The following SERPINB10 variants were observed in gnomAD, a reference collection of about 807,000 sequenced individuals.
SERPINB10 encodes serpin B10.
SERPINB10 carries 35 observed loss-of-function variants against 39.1 expected under a neutral mutation model. The observed-to-expected ratio is 0.90, with a 90% confidence interval of 0.68 to 1.19. The LOEUF is 1.19. Among genes scored for constraint, SERPINB10 ranks in the 50% most tolerant of loss-of-function variants. SERPINB10 has a pLI of 0.00. For synonymous variants in SERPINB10, 190 were observed against 158.1 expected (o/e 1.20, Z -1.52); for missense variants, 546 against 460.5 (o/e 1.19, Z -1.70).
Position 63,935,498 on chromosome 18 carries a change from T to C in SERPINB10, c.*256T>C, listed in dbSNP as rs2050256782. ...TTTCATTTACATTTCAGAAGTACTATGCTATTCAACTGAATGCCTTACAAT... is the reference window on the plus strand; with the variant it reads ...TTTCATTTACATTTCAGAAGTACTACGCTATTCAACTGAATGCCTTACAAT... On this transcript the variant is annotated 3_prime_UTR_variant, in exon 8 of 8. Transcript: ENST00000238508. 2 of 389,016 alleles carry C rather than the reference T, an allele frequency of 5.1e-6. No individual in the cohort carries two copies. The highest frequency in any genetic ancestry group is 6.4e-5 in the South Asian group (1 of 15,724). 24.1% of individuals were successfully genotyped at this position (389,016 alleles called of 1,614,324 possible).
At chr18:63,920,376 T>C (rs1362542242) in intron 5 of SERPINB10, among the ~76,000 whole-genome samples, 1 of 152,012 alleles carries the variant, frequency 6.6e-6, no homozygotes, top group Non-Finnish European at 1.5e-5. Flanking sequence ...AGTGGCTTAA[T>C]AAGACACAAG....
chr18:63,908,200 G>C (rs8086898), intron 1 of SERPINB10, among the ~76,000 whole-genome samples, 160 bp downstream of exon 1: 3,793 of 152,078 alleles, frequency 0.025, 149 homozygotes, highest in African/African-American at 0.086. Context: ...ATAAGTCAGA[G>C]AGTAACCTGA....
At position 63,917,989 on chromosome 18, in the gene SERPINB10, G is replaced by A. The variant is rs755727496; in HGVS notation, c.259G>A (p.Glu87Lys). The A allele has an allele frequency of 5.6e-6, 9 of 1,612,058 alleles. No individual in the cohort carries two copies. Among genetic ancestry groups the A allele is most frequent in the Non-Finnish European group, 6.8e-6 (8 of 1,178,824 alleles). ...KMEFNLSNSE[E>K]IHSDFQTLIS... ...GGAATTCAACTTGAGCAACTCGGAA[G>A]AAATACACTCTGATTTCCAAACACT... The change falls in exon 4 of 8, where the codon GAA becomes AAA. Residue 87 changes from glutamate (E) to lysine (K), a missense_variant. Coordinates refer to ENST00000238508, the MANE Select transcript of SERPINB10 (RefSeq NM_005024.3).
chr18:63,926,970 G>A (rs967749536), intron 5 of SERPINB10, among the ~76,000 whole-genome samples: 20 of 151,974 alleles, frequency 1.3e-4, no homozygotes, highest in East Asian at 3.9e-4. Context: ...AATTTTTAGC[G>A]TAATAGTGTA....
chr18:63,917,800 T>C (rs1485438620), intron 3 of SERPINB10, among the ~76,000 whole-genome samples, 165 bp from the exon 4 acceptor site: 1 of 152,066 alleles, frequency 6.6e-6, no homozygotes, highest in East Asian at 1.9e-4. Context: ...CTCAATAACA[T>C]TTCATTCTTT....
At chr18:63,919,105 T>C (rs1011375644) in intron 4 of SERPINB10, among the ~76,000 whole-genome samples, 1 of 152,016 alleles carries the variant, frequency 6.6e-6, no homozygotes. Flanking sequence ...ATTGAAGGAA[T>C]ACTACAATGT....
In SERPINB10 at chr18:63,934,826, C is replaced by T. The variant is rs763994703; in HGVS notation, c.790-12C>T. 3 of 1,579,496 alleles carry T rather than the reference C, an allele frequency of 1.9e-6. No homozygotes were observed. The highest frequency in any genetic ancestry group is 1.7e-6 in the Non-Finnish European group (2 of 1,163,978). Reference sequence around the variant, plus strand: ...ATTACTGATTCTTTCTTTCTTGGTTCCAAATGGGCAGCTGGAAAAGGCCAT... The same window carrying T: ...ATTACTGATTCTTTCTTTCTTGGTTTCAAATGGGCAGCTGGAAAAGGCCAT... On this transcript the variant is annotated splice_polypyrimidine_tract_variant and intron_variant, in intron 7 of 7. Coordinates refer to ENST00000238508, the MANE Select transcript of SERPINB10 (RefSeq NM_005024.3).
rs1340387629 is a variant in SERPINB10 at position 63,934,889 on chromosome 18, A to T, written c.841A>T (p.Met281Leu). Residue 281 changes from methionine to leucine, a missense_variant, in exon 8 of 8, where the codon ATG (methionine) becomes TTG (leucine). By Grantham distance (15) the Met-to-Leu change is conservative. Transcript: ENST00000238508. ...GCTGAATGAGTGGACCAGTGCAGAC[A>T]TGATGGAGTTGTATGAAGTGCAGCT... is the stretch of plus-strand genomic sequence containing the variant. ...EKLNEWTSAD[M>L]MELYEVQLHL... 1.2e-6 allele frequency: 2 copies of T among 1,614,144 alleles called. No homozygotes were observed. The highest frequency in any genetic ancestry group is 1.7e-6 in the Non-Finnish European group (2 of 1,179,990).
At chr18:63,933,245 G>A (rs2050237350) in intron 7 of SERPINB10, 42 bp downstream of exon 7, 2 of 1,607,172 alleles carry the variant, frequency 1.2e-6, no homozygotes, top group Non-Finnish European at 1.7e-6. Context: ...TGTTTCCAGT[G>A]TTTACTAAGA....
intron 5 of SERPINB10, among the ~76,000 whole-genome samples, 195 bp from the exon 6 acceptor site, chr18:63,929,850 T>A (rs2050208621): frequency 6.6e-6 from 1 of 152,122 alleles, no homozygotes; most frequent in Non-Finnish European, 1.5e-5. Context: ...CAGCATATTA[T>A]TTCTTCAGGG....
intron 1 of SERPINB10, among the ~76,000 whole-genome samples, chr18:63,908,338 T>A (rs1006960): frequency 0.29 from 43,482 of 151,954 alleles, 6,821 homozygotes; most frequent in East Asian, 0.48. Context: ...CTGGGAATTG[T>A]GAAATCATCA....
rs934015628 is a variant in SERPINB10 at position 63,933,096 on chromosome 18, A to G, written c.682A>G (p.Ile228Val). ...QMMFMKKKLH[I>V]FHIEKPKAVG... ...GATGTTTATGAAGAAAAAGCTTCAC[A>G]TTTTTCACATAGAAAAGCCAAAAGC... The change falls in exon 7 of 8, where the codon ATT becomes GTT. Residue 228 changes from isoleucine (I) to valine (V), a missense_variant. Coordinates refer to ENST00000238508, the MANE Select transcript of SERPINB10 (RefSeq NM_005024.3). The G allele has an allele frequency of 3.1e-6, 5 of 1,613,966 alleles. No homozygotes were observed. Among genetic ancestry groups the G allele is most frequent in the African/African-American group, 1.3e-5 (1 of 75,022 alleles).
At chr18:63,912,126 C>G (rs1219650025) in intron 1 of SERPINB10, among the ~76,000 whole-genome samples, 1 of 151,674 alleles carries the variant, frequency 6.6e-6, no homozygotes, top group African/African-American at 2.4e-5. Flanking sequence ...TTTTGTACGT[C>G]GATTTTGTGT....
At chr18:63,919,748 A>G (rs753405896) in intron 4 of SERPINB10, 40 bp from the exon 5 acceptor site, 2 of 1,389,636 alleles carry the variant, frequency 1.4e-6, no homozygotes, top group Non-Finnish European at 2.0e-6. Context: ...TCAATTTTGA[A>G]CAAACTCTAC....
At chr18:63,908,642 G>A (rs2050042496) in intron 1 of SERPINB10, among the ~76,000 whole-genome samples, 2 of 151,954 alleles carry the variant, frequency 1.3e-5, no homozygotes, top group East Asian at 3.9e-4. Context: ...CATACTAGGT[G>A]CTCTTCATAA....
intron 3 of SERPINB10, 118 bp from the exon 4 acceptor site, chr18:63,917,847 A>AG (rs2144724389): frequency 1.2e-6 from 1 of 866,648 alleles, no homozygotes; most frequent in Non-Finnish European, 1.8e-6. Flanking sequence ...TATCCACTTT[A>AG]GGAACATTTT....
chr18:63,932,017 C>A (rs2050226116), intron 6 of SERPINB10, among the ~76,000 whole-genome samples: 1 of 152,118 alleles, frequency 6.6e-6, no homozygotes, highest in South Asian at 2.1e-4. Flanking sequence ...AGCACGTAGC[C>A]TTTTGAGGCT....
intron 4 of SERPINB10, 100 bp from the exon 5 acceptor site, chr18:63,919,688 C>T: frequency 2.7e-6 from 2 of 735,324 alleles, no homozygotes; most frequent in African/African-American, 1.9e-5. Flanking sequence ...TGGGAGTGTG[C>T]AATTGCCCGC....
intron 1 of SERPINB10, among the ~76,000 whole-genome samples, chr18:63,914,725 G>C (rs2050089128): frequency 6.6e-6 from 1 of 151,972 alleles, no homozygotes; most frequent in Non-Finnish European, 1.5e-5. Flanking sequence ...ATGGAGTGGT[G>C]GTGGTGCACA....
Sources: allele counts gnomAD v4.1 joint callset (sites outside exome capture counted in the v4.1 genomes callset), GRCh38; gene constraint gnomAD v4.1.1; transcripts MANE v1.5; gene names NCBI Gene and HGNC (gene_info 2026-07-23, HGNC 2026-07-21).